Variants in ZNF444 observed in about 807,000 individuals in gnomAD.
The protein encoded by ZNF444 is zinc finger protein 444, also known as endothelial zinc finger protein 2.
Under a neutral mutation model 14.4 loss-of-function variants are expected in ZNF444, and 8 were observed. The observed-to-expected ratio is 0.56, with a 90% CI of 0.33 to 1.00. The LOEUF (loss-of-function observed/expected upper bound fraction) is 1.00. Ranked by LOEUF, ZNF444 falls within the 50% of genes least tolerant of loss-of-function variation. The pLI is 0.03. For missense variants in ZNF444, 510 were observed against 504.8 expected, an observed-to-expected ratio of 1.01 and a Z score of -0.10; for synonymous variants, 258 against 235.9, an observed-to-expected ratio of 1.09 and a Z score of -0.86.
intron 3 of ZNF444, among the ~76,000 whole-genome samples, chr19:56,149,500 T>G (rs2031444273): frequency 6.6e-6 from 1 of 152,188 alleles, no homozygotes; most frequent in East Asian, 1.9e-4. Context: ...TTTATTTTAC[T>G]TTAAGTTCTG....
chr19:56,141,941 T>C (rs1395259499), intron 1 of ZNF444: 1 of 152,176 alleles, frequency 6.6e-6, no homozygotes, highest in Non-Finnish European at 1.5e-5. Context: ...TCTGTTTTGC[T>C]GCTTTCTCAG....
At chr19:56,150,577 C>T (rs2031515258) in intron 3 of ZNF444, 2 of 429,794 alleles carry the variant, frequency 4.7e-6, no homozygotes, top group Admixed American at 2.5e-5. Context: ...TTTCCCATGA[C>T]CTCTCTCTCT....
At chr19:56,159,548 T>A in intron 4 of ZNF444, 76 bp from the exon 5 acceptor site, 1 of 1,299,390 alleles carries the variant, frequency 7.7e-7, no homozygotes, top group East Asian at 2.7e-5. Flanking sequence ...GTTCCCTCCC[T>A]GCCTCCACCC....
chr19:56,158,800 A>G (rs1270876973), intron 4 of ZNF444, among the ~76,000 whole-genome samples, 198 bp downstream of exon 4: 1 of 151,760 alleles, frequency 6.6e-6, no homozygotes, highest in Non-Finnish European at 1.5e-5. Flanking sequence ...CCATCCATCT[A>G]TCCATCCATG....
chr19:56,138,528 G>A (rs1481788592), upstream of ZNF444, among the ~76,000 whole-genome samples: 2 of 152,132 alleles, frequency 1.3e-5, no homozygotes, highest in Non-Finnish European at 2.9e-5. Context: ...AGCTACTCGG[G>A]AGGCCAATGT....
chr19:56,153,816 GA>G (rs1162990274), intron 3 of ZNF444, among the ~76,000 whole-genome samples: 3 of 152,220 alleles, frequency 2.0e-5, no homozygotes, highest in Non-Finnish European at 2.9e-5. Context: ...GGTCGGAATT[GA>G]AGGGGAGGCC....
rs988010644 is a variant in ZNF444, at chr19:56,145,020, C to T, written c.-196-1227C>T. Among the ~76,000 whole-genome samples the T allele has an allele frequency of 6.6e-6, 1 of 152,250 alleles. No homozygotes were observed. The highest frequency in any genetic ancestry group is 1.5e-5 in the Non-Finnish European group (1 of 68,050). ...GGCCACCCAGGCCCTGTCACAGCCA[C>T]TCGGTAGCTCCAAGGCGGCCGTGGA... On this transcript the variant is annotated intron_variant, in intron 1 of 4. Transcript: ENST00000337080. The surrounding 1 kb of genome is among the most constrained non-coding windows in gnomAD (Gnocchi z 4.3).
upstream of ZNF444, among the ~76,000 whole-genome samples, chr19:56,137,965 T>G (rs1424554130): frequency 6.6e-6 from 1 of 151,740 alleles, no homozygotes; most frequent in Non-Finnish European, 1.5e-5. Flanking sequence ...CTATTAAAAT[T>G]ACAAAAAAAT....
At chr19:56,156,004 C>G (rs149521831) in intron 3 of ZNF444, 164 of 152,370 alleles carry the variant, frequency 1.1e-3, no homozygotes, top group African/African-American at 3.8e-3. Context: ...AACTGACAGG[C>G]TGTACATCGG....
At chr19:56,149,594 C>T (rs2031448627) in intron 3 of ZNF444, among the ~76,000 whole-genome samples, 1 of 152,114 alleles carries the variant, frequency 6.6e-6, no homozygotes, top group South Asian at 2.1e-4. Flanking sequence ...AGGTTTTAAG[C>T]CCCACATGCC....
intron 1 of ZNF444, among the ~76,000 whole-genome samples, chr19:56,142,795 G>A (rs1051950583): frequency 2.0e-5 from 3 of 152,184 alleles, no homozygotes; most frequent in East Asian, 3.8e-4. Context: ...GGAAGTTGAA[G>A]CCAGGCAGCC....
rs1175137205 is a variant in ZNF444, at chr19:56,145,501, G to A, written c.-196-746G>A. 6.6e-6 allele frequency among the ~76,000 whole-genome samples: 1 copy of A among 152,050 alleles called. No homozygotes were observed. On this transcript the variant is annotated intron_variant, in intron 1 of 4. Coordinates refer to ENST00000337080, the MANE Select transcript of ZNF444 (RefSeq NM_018337.4). This position sits in a 1 kb window ranked among gnomAD's most constrained non-coding sequence, Gnocchi z 4.3. Reference sequence around the variant, plus strand: ...CTTGGGAGGATGAGGCAGGAGAATCGCTTGACCCTGGGAGGCGGAGGTTGC... The same window carrying A: ...CTTGGGAGGATGAGGCAGGAGAATCACTTGACCCTGGGAGGCGGAGGTTGC...
chr19:56,137,909 G>A (rs992010162), upstream of ZNF444, among the ~76,000 whole-genome samples: 1 of 151,724 alleles, frequency 6.6e-6, no homozygotes, highest in Non-Finnish European at 1.5e-5. Context: ...ATGACCTGAG[G>A]TCAGGAGTTT....
intron 1 of ZNF444, among the ~76,000 whole-genome samples, chr19:56,142,793 A>G (rs933460821): frequency 6.6e-6 from 1 of 152,176 alleles, no homozygotes; most frequent in South Asian, 2.1e-4. Flanking sequence ...CTGGAAGTTG[A>G]AGCCAGGCAG....
In ZNF444 at chr19:56,147,401, C is replaced by T. The variant is rs1021928046; in HGVS notation, c.297+193C>T. ...GCACCCTCCATCCCCACACCAGCTGCAAGTCAGGAGGGCCCCAAGACCCTG... is the reference window on the plus strand; with the variant it reads ...GCACCCTCCATCCCCACACCAGCTGTAAGTCAGGAGGGCCCCAAGACCCTG... On this transcript the variant is annotated intron_variant, in intron 3 of 4. Coordinates refer to ENST00000337080, the MANE Select transcript of ZNF444 (RefSeq NM_018337.4). This position sits in a 1 kb window ranked among gnomAD's most constrained non-coding sequence, Gnocchi z 5.9. Among the ~76,000 whole-genome samples, 1 of 152,142 alleles carries T rather than the reference C, an allele frequency of 6.6e-6. No individual in the cohort carries two copies. Among genetic ancestry groups the T allele is most frequent in the Admixed American group, 6.5e-5 (1 of 15,286 alleles).
upstream of ZNF444, among the ~76,000 whole-genome samples, chr19:56,136,506 T>G (rs2030614451): frequency 6.6e-6 from 1 of 152,194 alleles, no homozygotes; most frequent in South Asian, 2.1e-4. Context: ...GAGCTGGGCT[T>G]GCTTTTATCA....
At chr19:56,133,181 AC>A (rs1380836814) in intron 1 of ZNF444, among the ~76,000 whole-genome samples, 1 of 143,158 alleles carries the variant, frequency 7.0e-6, no homozygotes, top group Admixed American at 7.0e-5. Context: ...CAGGTGATCC[AC>A]CCACCTCGGC....
At chr19:56,158,391 C>A in intron 3 of ZNF444, 103 bp from the exon 4 acceptor site, 1 of 1,118,304 alleles carries the variant, frequency 8.9e-7, no homozygotes, top group Non-Finnish European at 1.2e-6. Flanking sequence ...TGGCTTCCTC[C>A]CAGCAGGGAT....
At chr19:56,158,278 G>T in intron 3 of ZNF444, 1 of 479,516 alleles carries the variant, frequency 2.1e-6, no homozygotes, top group Non-Finnish European at 3.7e-6. Context: ...TCTGAAGGTT[G>T]GTGGCTTCAA....
Sources: gnomAD v4.1 joint callset for allele counts (sites outside exome capture counted in the v4.1 genomes callset) on GRCh38, gnomAD v4.1.1 for gene constraint, Gnocchi (gnomAD v3.1) non-coding constraint, MANE v1.5 for transcripts, NCBI Gene and HGNC (gene_info 2026-07-23, HGNC 2026-07-21) for gene names.